The following LARGE1 variants were observed in gnomAD, a reference collection of about 807,000 sequenced individuals.
LARGE1 encodes the protein LARGE xylosyl- and glucuronyltransferase 1.
A neutral mutation model predicts 87.6 loss-of-function variants in LARGE1; 43 were observed. That is an observed-to-expected ratio of 0.49 (90% confidence interval 0.38 to 0.63). The LOEUF is 0.63. Ranked by LOEUF, LARGE1 falls within the 30% of genes least tolerant of loss-of-function variation. LARGE1 has a pLI of 0.00. For synonymous variants in LARGE1, 434 were observed against 394.6 expected, an observed-to-expected ratio of 1.10 and a Z score of -1.18; for missense variants, 802 against 1,000.2, an observed-to-expected ratio of 0.80 and a Z score of 2.67.
intron 7 of LARGE1, among the ~76,000 whole-genome samples, chr22:33,401,138 C>G (rs897286426): frequency 6.6e-6 from 1 of 152,152 alleles, no homozygotes; most frequent in Non-Finnish European, 1.5e-5. Context: ...CTCTGCTTGG[C>G]AGCCATCTCC....
chr22:33,558,984 A>G (rs2077775860), intron 6 of LARGE1, among the ~76,000 whole-genome samples: 1 of 152,230 alleles, frequency 6.6e-6, no homozygotes, highest in Non-Finnish European at 1.5e-5. Context: ...AGACCCCGTT[A>G]GCATTATTCC....
intron 2 of LARGE1, among the ~76,000 whole-genome samples, chr22:33,674,163 C>T (rs572562250): frequency 6.6e-6 from 1 of 150,534 alleles, no homozygotes; most frequent in Admixed American, 6.6e-5. Flanking sequence ...ATACTGGTCT[C>T]GAGCTCCTGA....
intron 1 of LARGE1, among the ~76,000 whole-genome samples, chr22:33,870,600 G>A (rs922972110): frequency 2.0e-5 from 3 of 152,038 alleles, no homozygotes; most frequent in South Asian, 2.1e-4. Context: ...AGACCGTCTC[G>A]TTCTGTTGCC....
At chr22:33,279,961 A>C (rs1447994973) in intron 13 of LARGE1, among the ~76,000 whole-genome samples, 2 of 152,210 alleles carry the variant, frequency 1.3e-5, no homozygotes. Context: ...AAAATGCTTT[A>C]ATTAGCCGTT....
rs775051738 is a variant in LARGE1 at position 33,316,248 on chromosome 22, G to A, written c.1288C>T (p.Leu430Phe). 2 of 1,613,320 alleles carry A rather than the reference G, an allele frequency of 1.2e-6. No individual in the cohort carries two copies. The highest frequency in any genetic ancestry group is 1.3e-5 in the African/African-American group (1 of 74,908). The change falls in exon 11 of 15, where the codon CTC becomes TTC. Residue 430 changes from leucine (L) to phenylalanine (F), a missense_variant and splice_region_variant. Physicochemically the swap from Leu to Phe is conservative, Grantham distance 22 (BLOSUM62 0). This residue lies in a region of LARGE1 where 625 missense variants were observed against 841.9 expected (regional missense o/e 0.74). Transcript: ENST00000397394. Reference protein sequence around the residue: ...PSEADVNSENLQKQLSELDED... With the variant: ...PSEADVNSENFQKQLSELDED... Reference sequence around the variant, plus strand: ...TCCAGCTCAGACAGCTGCTTCTGGAGCTGCAGGGTAGGAGAGAGGGCTTGG... The same window carrying A: ...TCCAGCTCAGACAGCTGCTTCTGGAACTGCAGGGTAGGAGAGAGGGCTTGG...
At chr22:33,282,014 C>T (rs889339797) in intron 13 of LARGE1, among the ~76,000 whole-genome samples, 1 of 152,186 alleles carries the variant, frequency 6.6e-6, no homozygotes, top group Admixed American at 6.5e-5. Context: ...GAAGTGTTGG[C>T]CATTCTGACA....
chr22:33,780,600 T>A (rs2085388315), intron 1 of LARGE1, among the ~76,000 whole-genome samples: 1 of 152,198 alleles, frequency 6.6e-6, no homozygotes, highest in Admixed American at 6.5e-5. Context: ...GAACACAGCC[T>A]CTCTGAATTT....
At chr22:33,079,884 T>C in the LARGE1 span, among the ~76,000 whole-genome samples, 21 of 152,258 alleles carry the variant, frequency 1.4e-4, no homozygotes, top group South Asian at 4.1e-3. Flanking sequence ...AAATTGATCA[T>C]GGCTCTTTTC....
intron 2 of LARGE1, among the ~76,000 whole-genome samples, chr22:33,718,445 G>C (rs1375778470): frequency 6.6e-6 from 1 of 152,242 alleles, no homozygotes; most frequent in Non-Finnish European, 1.5e-5. Context: ...GAGGAAATCT[G>C]TTCATACTGA....
chr22:33,900,018 G>A (rs2065242870), intron 1 of LARGE1, among the ~76,000 whole-genome samples: 1 of 152,198 alleles, frequency 6.6e-6, no homozygotes, highest in South Asian at 2.1e-4. Flanking sequence ...AAACAAAAGA[G>A]AAATGCAGTC....
chr22:33,317,866 A>G (rs1936323842), intron 10 of LARGE1, among the ~76,000 whole-genome samples: 1 of 152,026 alleles, frequency 6.6e-6, no homozygotes, highest in Admixed American at 6.6e-5. Context: ...AGTGACAGAA[A>G]CCCGCTCCAC....
chr22:33,770,738 C>G lies in LARGE1; in HGVS notation c.-82-9180G>C, dbSNP rs144793726. On this transcript the variant is annotated intron_variant, in intron 1 of 14. Coordinates refer to ENST00000397394, the MANE Select transcript of LARGE1 (RefSeq NM_133642.5). ...AGGTGAAAGGCAATATCCTATATTG[C>G]TACTGCAGATTAAAAAAAAATTTTA... Among the ~76,000 whole-genome samples, 26 of 152,132 alleles carry G rather than the reference C, an allele frequency of 1.7e-4. 1 individual carries two copies. The East Asian group carries it at 3.5e-3, about 20-fold the overall frequency.
At chr22:33,076,849 C>T in the LARGE1 span, among the ~76,000 whole-genome samples, 1 of 152,156 alleles carries the variant, frequency 6.6e-6, no homozygotes, top group South Asian at 2.1e-4. Context: ...ACCCAGAGTT[C>T]ATTCTCAATG....
intron 1 of LARGE1, among the ~76,000 whole-genome samples, chr22:33,912,207 A>G (rs1357371148): frequency 6.6e-6 from 1 of 152,202 alleles, no homozygotes; most frequent in East Asian, 1.9e-4. Context: ...CAACTGTTCT[A>G]AAAACAAAAG....
intron 2 of LARGE1, among the ~76,000 whole-genome samples, chr22:33,729,120 A>G (rs1197611052): frequency 6.6e-6 from 1 of 152,236 alleles, no homozygotes; most frequent in Non-Finnish European, 1.5e-5. Flanking sequence ...TGTTTCATTT[A>G]TAATATAAAC....
intron 8 of LARGE1, among the ~76,000 whole-genome samples, chr22:33,383,817 C>T (rs1344905543): frequency 6.6e-6 from 1 of 152,160 alleles, no homozygotes; most frequent in Non-Finnish European, 1.5e-5. Context: ...TCCCAGAGAG[C>T]AGGCCCTGTG....
At chr22:33,543,722 T>C (rs767909080) in intron 6 of LARGE1, among the ~76,000 whole-genome samples, 1 of 152,154 alleles carries the variant, frequency 6.6e-6, no homozygotes, top group Non-Finnish European at 1.5e-5. Context: ...TCCAACACAA[T>C]GTAATCTAAA....
chr22:33,255,790 T>C (rs897474321), intron 11 of LARGE1, among the ~76,000 whole-genome samples: 2 of 152,236 alleles, frequency 1.3e-5, no homozygotes, highest in Non-Finnish European at 1.5e-5. Context: ...TATCTTCTTT[T>C]ATCTCTGGCT....
chr22:33,080,014 A>G, the LARGE1 span, among the ~76,000 whole-genome samples: 1 of 152,180 alleles, frequency 6.6e-6, no homozygotes, highest in East Asian at 1.9e-4. Flanking sequence ...TTAGAGCCAG[A>G]GGTGGCAGGC....
Sources: allele counts gnomAD v4.1 joint callset (sites outside exome capture counted in the v4.1 genomes callset), GRCh38; gene constraint gnomAD v4.1.1; regional missense constraint gnomAD v4.1.1; transcripts MANE v1.5; gene names NCBI Gene and HGNC (gene_info 2026-07-23, HGNC 2026-07-21).